FHOD3: variants seen among roughly 807,000 people sequenced by gnomAD.
The protein encoded by FHOD3 is FH1/FH2 domain-containing protein 3.
A neutral mutation model predicts 173.0 loss-of-function variants in FHOD3; 90 were observed. The ratio of observed to expected loss-of-function variants is 0.52; its 90% confidence interval spans 0.44 to 0.62. The LOEUF (loss-of-function observed/expected upper bound fraction) is 0.62. FHOD3 is among the 20% of genes least tolerant of loss of function. FHOD3 has a pLI of 0.00. For synonymous variants in FHOD3, 828 were observed against 823.0 expected, an observed-to-expected ratio of 1.01 and a Z score of -0.10; for missense variants, 1,945 against 2,034.7, an observed-to-expected ratio of 0.96 and a Z score of 0.85.
intron 2 of FHOD3, among the ~76,000 whole-genome samples, chr18:36,368,412 A>G (rs975572015): frequency 1.3e-5 from 2 of 152,134 alleles, no homozygotes; most frequent in Admixed American, 6.5e-5. Flanking sequence ...TATTGGCACC[A>G]GTAGAATGAG....
chr18:36,763,577 A>G (rs577657325), intron 27 of FHOD3, among the ~76,000 whole-genome samples: 10 of 145,376 alleles, frequency 6.9e-5, no homozygotes, highest in Non-Finnish European at 1.3e-4. Context: ...TACACGTTAT[A>G]TATAATATGT....
intron 3 of FHOD3, among the ~76,000 whole-genome samples, chr18:36,476,395 G>A (rs541598259): frequency 6.6e-6 from 1 of 152,342 alleles, no homozygotes; most frequent in South Asian, 2.1e-4. Flanking sequence ...GTTCAGGACT[G>A]TGGGATGGGG....
Position 36,339,748 on chromosome 18 carries a change from A to G in FHOD3, c.166-15791A>G, listed in dbSNP as rs561926712. Among the ~76,000 whole-genome samples the G allele has an allele frequency of 2.9e-4, 44 of 152,326 alleles. 1 individual carries two copies. Among genetic ancestry groups the G allele is most frequent in the African/African-American group, 1.0e-3 (43 of 41,576 alleles). ...TGTGGACACCTGTGAAACTCTACAT[A>G]TGTCCAGTGAGTATCCCCGTGCCTG... is the stretch of plus-strand genomic sequence containing the variant. On this transcript the variant is annotated intron_variant, in intron 1 of 28. Coordinates refer to ENST00000590592, the MANE Select transcript of FHOD3 (RefSeq NM_001281740.3).
chr18:36,601,224 C>T (rs2031334577), intron 7 of FHOD3, among the ~76,000 whole-genome samples: 1 of 152,176 alleles, frequency 6.6e-6, no homozygotes, highest in Non-Finnish European at 1.5e-5. Context: ...GAAGATTGCC[C>T]AGTTCTGACT....
chr18:36,297,945 T>G lies in FHOD3; in HGVS notation c.110T>G (p.Leu37Arg). ...CCGCTGTTCACGTTCCGCGAGGACC[T>G]CGCGCTCGGCACCCAGCTGGCGGGG... Reference protein sequence around the residue: ...RPPLFTFREDLALGTQLAGVH... With the variant: ...RPPLFTFREDRALGTQLAGVH... Residue 37 changes from leucine to arginine, a missense_variant, in exon 1 of 29, where the codon CTC (leucine) becomes CGC (arginine). Coordinates refer to ENST00000590592, the MANE Select transcript of FHOD3 (RefSeq NM_001281740.3). The G allele has an allele frequency of 6.4e-7, 1 of 1,565,550 alleles. No homozygotes were observed. Among genetic ancestry groups the G allele is most frequent in the East Asian group, 2.4e-5 (1 of 41,352 alleles).
chr18:36,486,476 A>G (rs146423519), intron 3 of FHOD3, among the ~76,000 whole-genome samples: 424 of 152,216 alleles, frequency 2.8e-3, no homozygotes, highest in African/African-American at 9.8e-3. Context: ...CATTCTCCCA[A>G]CTCAACCTCC....
intron 20 of FHOD3, among the ~76,000 whole-genome samples, chr18:36,736,612 T>G (rs1449192812): frequency 6.6e-6 from 1 of 152,182 alleles, no homozygotes; most frequent in Non-Finnish European, 1.5e-5. Flanking sequence ...GCCATCCCTC[T>G]GAAGTCAAGC....
chr18:36,434,474 A>G (rs1452446800), intron 3 of FHOD3, among the ~76,000 whole-genome samples: 1 of 152,178 alleles, frequency 6.6e-6, no homozygotes, highest in Non-Finnish European at 1.5e-5. Context: ...TGTATTGTAC[A>G]TTTTGAGATT....
At chr18:36,449,259 T>A (rs761994961) in intron 3 of FHOD3, among the ~76,000 whole-genome samples, 3 of 151,874 alleles carry the variant, frequency 2.0e-5, no homozygotes, top group Non-Finnish European at 4.4e-5. Context: ...TACTAGATAA[T>A]TGAAATGGTA....
chr18:36,513,704 C>A (rs1459919324), intron 5 of FHOD3, among the ~76,000 whole-genome samples: 3 of 152,010 alleles, frequency 2.0e-5, no homozygotes, highest in Non-Finnish European at 4.4e-5. Context: ...TCAGAGCCTT[C>A]ATCCCTCTTT....
chr18:36,503,726 A>G (rs753993432), intron 4 of FHOD3, among the ~76,000 whole-genome samples: 3 of 152,052 alleles, frequency 2.0e-5, no homozygotes, highest in Non-Finnish European at 4.4e-5. Flanking sequence ...TTAGCTTCCC[A>G]CCAGAGGGAG....
Position 36,602,657 on chromosome 18 carries a change from T to C in FHOD3, c.719-17T>C. 6.3e-7 allele frequency: 1 copy of C among 1,577,328 alleles called. No homozygotes were observed. The highest frequency in any genetic ancestry group is 1.1e-5 in the South Asian group (1 of 90,296). On this transcript the variant is annotated splice_polypyrimidine_tract_variant and intron_variant, in intron 7 of 28. Coordinates refer to ENST00000590592, the MANE Select transcript of FHOD3 (RefSeq NM_001281740.3). ...TTGATGAATTGCTGTTTCTAATGAT[T>C]TTTGCTTTACTCATAGGGGTCAAAC...
Position 36,711,117 on chromosome 18 carries a change from A to G in FHOD3, c.2533+1726A>G, listed in dbSNP as rs139385851. On this transcript the variant is annotated intron_variant, in intron 18 of 28. Coordinates refer to ENST00000590592, the MANE Select transcript of FHOD3 (RefSeq NM_001281740.3). ...TAGAAGCAGAAATTAGGGCTTTGCA[A>G]TGATTTTTCTGCTTTGCTTCAGTGC... is the stretch of plus-strand genomic sequence containing the variant. 3.1e-3 allele frequency: 473 copies of G among 152,336 alleles called. 4 individuals are homozygous for G. Among genetic ancestry groups the G allele is most frequent in the African/African-American group, 0.011 (453 of 41,574 alleles). 9.4% of individuals were successfully genotyped at this position (152,336 alleles called of 1,614,324 possible). A position where few individuals can be genotyped will look rare whatever the true frequency, so the allele number is the denominator to read the frequency against.
At position 36,331,720 on chromosome 18, in the gene FHOD3, A is replaced by G. The variant is rs78010242; in HGVS notation, c.166-23819A>G. Reference sequence around the variant, plus strand: ...TCGCTGATTTAGCTGGTCAGCAGTCATGGGGCAAACAGGAAGCAACTTCCC... The same window carrying G: ...TCGCTGATTTAGCTGGTCAGCAGTCGTGGGGCAAACAGGAAGCAACTTCCC... On this transcript the variant is annotated intron_variant, in intron 1 of 28. Transcript: ENST00000590592. Among the ~76,000 whole-genome samples, 501 of 152,054 alleles carry G rather than the reference A, an allele frequency of 3.3e-3. 4 individuals are homozygous for G. The highest frequency in any genetic ancestry group is 0.021 in the Admixed American group (316 of 15,266).
chr18:36,557,610 A>T (rs1015147154), intron 5 of FHOD3, among the ~76,000 whole-genome samples: 6 of 152,120 alleles, frequency 3.9e-5, no homozygotes, highest in Non-Finnish European at 8.8e-5. Context: ...TTTTTCTCCA[A>T]ACTAGTTTCA....
intron 8 of FHOD3, among the ~76,000 whole-genome samples, chr18:36,605,590 G>A (rs1051160098): frequency 6.6e-6 from 1 of 151,868 alleles, no homozygotes; most frequent in Non-Finnish European, 1.5e-5. Context: ...GCTTGTGTGA[G>A]TTATTTATAT....
chr18:36,391,148 C>A (rs1003715898), intron 3 of FHOD3, among the ~76,000 whole-genome samples: 1 of 152,176 alleles, frequency 6.6e-6, no homozygotes, highest in Non-Finnish European at 1.5e-5. Flanking sequence ...TCTAATGCTG[C>A]CAACACTGTG....
intron 10 of FHOD3, among the ~76,000 whole-genome samples, chr18:36,640,616 C>A (rs898936981): frequency 6.6e-6 from 1 of 152,152 alleles, no homozygotes; most frequent in Non-Finnish European, 1.5e-5. Context: ...CTAAATGGGA[C>A]AGTTTAAATG....
intron 5 of FHOD3, among the ~76,000 whole-genome samples, chr18:36,552,085 G>T (rs1188887077): frequency 6.6e-6 from 1 of 152,118 alleles, no homozygotes; most frequent in Non-Finnish European, 1.5e-5. Flanking sequence ...AATTACCTTG[G>T]GCAGTATGGC....
Sources: gnomAD v4.1 joint callset for allele counts (sites outside exome capture counted in the v4.1 genomes callset) on GRCh38, gnomAD v4.1.1 for gene constraint, MANE v1.5 for transcripts, NCBI Gene and HGNC (gene_info 2026-07-23, HGNC 2026-07-21) for gene names.